The following H6PD variants were observed in gnomAD, a reference collection of about 807,000 sequenced individuals.
The protein encoded by H6PD is hexose-6-phosphate dehydrogenase/glucose 1-dehydrogenase.
Under a neutral mutation model 61.2 loss-of-function variants are expected in H6PD, and 48 were observed. That is an observed-to-expected ratio of 0.78 (90% confidence interval 0.62 to 1.00). The LOEUF (loss-of-function observed/expected upper bound fraction) is 1.00. Ranked by LOEUF, H6PD falls within the 50% of genes least tolerant of loss-of-function variation. The probability of loss-of-function intolerance (pLI) is 0.00; values close to 1 mark genes in which losing one functional copy is unlikely to be tolerated. For synonymous variants in H6PD, 480 were observed against 457.9 expected (o/e 1.05, Z -0.62); for missense variants, 1,093 against 1,065.0 (o/e 1.03, Z -0.37).
rs1018247342 is a variant in H6PD, at chr1:9,265,203, G to A, written c.*334G>A. 1.4e-5 allele frequency: 6 copies of A among 429,530 alleles called. No homozygotes were observed. The highest frequency in any genetic ancestry group is 3.5e-5 in the Admixed American group (1 of 28,598). 26.6% of individuals were successfully genotyped at this position (429,530 alleles called of 1,614,324 possible). On this transcript the variant is annotated 3_prime_UTR_variant, in exon 5 of 5. Transcript: ENST00000377403. Reference sequence around the variant, plus strand: ...CACGGGATGGCGCCCAAACTCCGGCGTTCACAAGAGGAGACGTGACGTGGT... The same window carrying A: ...CACGGGATGGCGCCCAAACTCCGGCATTCACAAGAGGAGACGTGACGTGGT...
At chr1:9,240,989 CAGGGCAGCAGGGAGGATGACCA>C (rs1323229874) in intron 1 of H6PD, among the ~76,000 whole-genome samples, 1 of 152,128 alleles carries the variant, frequency 6.6e-6, no homozygotes, top group East Asian at 1.9e-4. Flanking sequence ...CTTTCCCTGT[CAGGGCAGCAGGGAGGATGACCA>C]AGCCAGCCTT....
rs982663087 is a variant in H6PD at position 9,254,820 on chromosome 1, A to T, written c.746-7239A>T. On this transcript the variant is annotated intron_variant, in intron 3 of 4. Transcript: ENST00000377403. The surrounding 1 kb of genome is among the most constrained non-coding windows in gnomAD (Gnocchi z 4.6). ...CCACAATCAATTTTAGGACATGTTC[A>T]TCACGGCAAAGGAAGCCCTGTACCC... is the stretch of plus-strand genomic sequence containing the variant. Among the ~76,000 whole-genome samples the T allele has an allele frequency of 6.6e-6, 1 of 152,194 alleles. No homozygotes were observed. Among genetic ancestry groups the T allele is most frequent in the African/African-American group, 2.4e-5 (1 of 41,442 alleles).
At chr1:9,257,814 T>G (rs3753165) in intron 3 of H6PD, among the ~76,000 whole-genome samples, 2 of 152,056 alleles carry the variant, frequency 1.3e-5, no homozygotes, top group African/African-American at 4.8e-5. Flanking sequence ...CTTTGAGAAA[T>G]GATGGCTCCT....
Position 9,264,448 on chromosome 1 carries a change from A to C in H6PD, c.1955A>C (p.His652Pro). The C allele has an allele frequency of 1.2e-6, 2 of 1,613,110 alleles. No homozygotes were observed. The highest frequency in any genetic ancestry group is 2.2e-5 in the South Asian group (2 of 91,074). The change falls in exon 5 of 5, where the codon CAC (histidine) becomes CCC (proline). Residue 652 changes from histidine (H) to proline (P), a missense_variant. Coordinates refer to ENST00000377403, the MANE Select transcript of H6PD (RefSeq NM_004285.4). ...QHVRIPYYNIHPMPVHLQQRL... is the reference protein window; with the variant it reads ...QHVRIPYYNIPPMPVHLQQRL... Reference sequence around the variant, plus strand: ...GTCCGGATCCCCTACTACAACATCCACCCCATGCCTGTGCACCTGCAGCAG... The same window carrying C: ...GTCCGGATCCCCTACTACAACATCCCCCCCATGCCTGTGCACCTGCAGCAG...
At position 9,262,186 on chromosome 1, in the gene H6PD, G is replaced by A; in HGVS notation, c.873G>A (p.Arg291=). The change falls in exon 4 of 5, where the codon CGG becomes CGA. Residue 291 remains arginine (R), a synonymous_variant. Transcript: ENST00000377403. ...TCAGCAGTGCGGAGGCTGTGCTGCG[G>A]CACAAGCTTCAGGTCTTCCAGGCGC... The part of the protein sequence containing the change: ...HNVSSAEAVL[R]HKLQVFQALR... 4.3e-6 allele frequency: 7 copies of A among 1,614,222 alleles called. No individual in the cohort carries two copies. The highest frequency in any genetic ancestry group is 5.9e-6 in the Non-Finnish European group (7 of 1,180,036).
chr1:9,254,496 C>G lies in H6PD; in HGVS notation c.745+7413C>G, dbSNP rs1641457468. Among the ~76,000 whole-genome samples, 1 of 152,188 alleles carries G rather than the reference C, an allele frequency of 6.6e-6. No homozygotes were observed. Among genetic ancestry groups the G allele is most frequent in the Non-Finnish European group, 1.5e-5 (1 of 68,040 alleles). On this transcript the variant is annotated intron_variant, in intron 3 of 4. Coordinates refer to ENST00000377403, the MANE Select transcript of H6PD (RefSeq NM_004285.4). The surrounding 1 kb of genome is among the most constrained non-coding windows in gnomAD (Gnocchi z 4.6). ...TCACCAAGTAGTTTGTATTCATCTG[C>G]TATAATAACTTCTTTGCAGTTCACT...
chr1:9,251,206 G>A (rs923202364), intron 3 of H6PD, among the ~76,000 whole-genome samples: 5 of 152,150 alleles, frequency 3.3e-5, no homozygotes, highest in African/African-American at 9.7e-5. Flanking sequence ...GCAGACAGGC[G>A]GGCCCATGTG....
intron 3 of H6PD, among the ~76,000 whole-genome samples, chr1:9,256,493 T>C (rs965390383): frequency 2.0e-5 from 3 of 152,046 alleles, no homozygotes; most frequent in Admixed American, 1.3e-4. Context: ...GGCAGGTTGT[T>C]CCCCCAGCCA....
chr1:9,264,517 G>C lies in H6PD; in HGVS notation c.2024G>C (p.Arg675Thr). The stretch of plus-strand genomic sequence containing the variant: ...GACCAGGGCGCCCAGATCTATGCCA[G>C]GGAGATCTCAGCCCTGGTGGCCAAC... Reference protein sequence around the residue: ...EEDQGAQIYAREISALVANSS... With the variant: ...EEDQGAQIYATEISALVANSS... Residue 675 changes from arginine to threonine, a missense_variant, in exon 5 of 5, where the codon AGG (arginine) becomes ACG (threonine). By Grantham distance (71) the Arg-to-Thr change is moderately conservative. Transcript: ENST00000377403. The C allele has an allele frequency of 6.2e-7, 1 of 1,613,222 alleles. No homozygotes were observed. The highest frequency in any genetic ancestry group is 1.7e-5 in the Admixed American group (1 of 60,026).
chr1:9,255,900 C>T (rs952519882), intron 3 of H6PD, among the ~76,000 whole-genome samples: 1 of 152,194 alleles, frequency 6.6e-6, no homozygotes, highest in Non-Finnish European at 1.5e-5. Context: ...GCCAGTGGTG[C>T]CCACGCCACT....
intron 3 of H6PD, among the ~76,000 whole-genome samples, chr1:9,249,071 T>C (rs1046138165): frequency 3.3e-5 from 5 of 152,208 alleles, no homozygotes; most frequent in African/African-American, 1.2e-4. Context: ...TGCCCTTCTC[T>C]ACCTGGACTT....
At position 9,235,077 on chromosome 1, in the gene H6PD, C is replaced by CCCGCCGGCCCCG. The variant is rs1640811655; in HGVS notation, c.-11+18_-11+29dup. On this transcript the variant is annotated intron_variant, in intron 1 of 4. Coordinates refer to ENST00000377403, the MANE Select transcript of H6PD (RefSeq NM_004285.4). The stretch of plus-strand genomic sequence containing the variant: ...GCCGCGCGAGAGGAAGTAAGCGCCC[C>CCCGCCGGCCCCG]CCGCCGGCCCCGCCGCCGCCCCGGC... The CCCGCCGGCCCCG allele has an allele frequency of 6.7e-6, 1 of 148,186 alleles. No individual in the cohort carries two copies. Among genetic ancestry groups the CCCGCCGGCCCCG allele is most frequent in the East Asian group, 2.0e-4 (1 of 5,072 alleles). 9.2% of individuals were successfully genotyped at this position (148,186 alleles called of 1,614,324 possible).
chr1:9,247,156 CT>C, intron 3 of H6PD, 73 bp downstream of exon 3: 1 of 1,029,484 alleles, frequency 9.7e-7, no homozygotes, highest in South Asian at 1.3e-5. Context: ...GCATGGGGCG[CT>C]TCTCAGAGGG....
At chr1:9,249,246 G>C (rs560652070) in intron 3 of H6PD, among the ~76,000 whole-genome samples, 2 of 152,194 alleles carry the variant, frequency 1.3e-5, no homozygotes, top group Admixed American at 6.5e-5. Context: ...TTGGTATGTG[G>C]TGTCATTTGT....
intron 1 of H6PD, among the ~76,000 whole-genome samples, chr1:9,240,223 T>C (rs765246271): frequency 6.6e-6 from 1 of 152,172 alleles, no homozygotes; most frequent in Non-Finnish European, 1.5e-5. Context: ...GTATCTTAAA[T>C]AAGAATTGTA....
chr1:9,256,920 A>G (rs1201628985), intron 3 of H6PD, among the ~76,000 whole-genome samples: 1 of 151,730 alleles, frequency 6.6e-6, no homozygotes, highest in Non-Finnish European at 1.5e-5. Context: ...CTGTTGTTTA[A>G]TTTTGAACAA....
intron 1 of H6PD, among the ~76,000 whole-genome samples, chr1:9,236,563 G>C (rs1640854426): frequency 6.6e-6 from 1 of 152,002 alleles, no homozygotes; most frequent in Non-Finnish European, 1.5e-5. Context: ...GGGAGGCTAA[G>C]GCAGGAAAAT....
rs980857752 is a variant in H6PD at position 9,264,458 on chromosome 1, T to C, written c.1965T>C (p.Pro655=). The change falls in exon 5 of 5, where the codon CCT becomes CCC. Residue 655 remains proline, a synonymous_variant. Coordinates refer to ENST00000377403, the MANE Select transcript of H6PD (RefSeq NM_004285.4). ...CCTACTACAACATCCACCCCATGCCTGTGCACCTGCAGCAGCGGCTCTGCG... is the reference window on the plus strand; with the variant it reads ...CCTACTACAACATCCACCCCATGCCCGTGCACCTGCAGCAGCGGCTCTGCG... ...RIPYYNIHPM[P]VHLQQRLCAE... The C allele has an allele frequency of 2.5e-6, 4 of 1,613,148 alleles. No homozygotes were observed. The highest frequency in any genetic ancestry group is 3.4e-6 in the Non-Finnish European group (4 of 1,179,948).
chr1:9,255,420 C>A (rs1384415740), intron 3 of H6PD, among the ~76,000 whole-genome samples: 1 of 151,838 alleles, frequency 6.6e-6, no homozygotes, highest in Non-Finnish European at 1.5e-5. Context: ...TAGCTGGGAC[C>A]ACAGGTGTAT....
Sources: allele counts gnomAD v4.1 joint callset (sites outside exome capture counted in the v4.1 genomes callset), GRCh38; gene constraint gnomAD v4.1.1; non-coding constraint Gnocchi (gnomAD v3.1); transcripts MANE v1.5; gene names NCBI Gene and HGNC (gene_info 2026-07-23, HGNC 2026-07-21).